The following RDH12 variants were observed in gnomAD, a reference collection of about 807,000 sequenced individuals.
RDH12 encodes the protein all-trans and 9-cis retinol dehydrogenase.
RDH12 carries 21 observed loss-of-function variants against 34.0 expected under a neutral mutation model. The observed-to-expected ratio is 0.62, with a 90% confidence interval of 0.44 to 0.89. The LOEUF is 0.89. RDH12 is among the 40% of genes least tolerant of loss of function. The pLI is 0.00. For missense variants in RDH12, 394 were observed against 398.6 expected (o/e 0.99, Z 0.10); for synonymous variants, 198 against 169.9 (o/e 1.17, Z -1.29).
intron 3 of RDH12, 29 bp from the exon 4 acceptor site, chr14:67,724,444 C>A: frequency 2.3e-6 from 3 of 1,322,652 alleles, no homozygotes; most frequent in African/African-American, 1.5e-5. Context: ...AAGGATGGTA[C>A]GTGATGCTCT....
chr14:67,715,038 A>C (rs181626329), intron 1 of RDH12: 131 of 152,450 alleles, frequency 8.6e-4, no homozygotes, highest in African/African-American at 3.0e-3. Context: ...CTAAGGGCCA[A>C]GATAACTTCC....
chr14:67,718,630 A>G (rs2038092004), intron 1 of RDH12, among the ~76,000 whole-genome samples: 1 of 152,202 alleles, frequency 6.6e-6, no homozygotes. Flanking sequence ...GTGCTCTGTC[A>G]TCACTGAACT....
chr14:67,724,067 T>C (rs1165955757), intron 3 of RDH12, among the ~76,000 whole-genome samples: 2 of 152,192 alleles, frequency 1.3e-5, no homozygotes, highest in Non-Finnish European at 2.9e-5. Flanking sequence ...CTCATGATGA[T>C]GGTTACTGAA....
intron 1 of RDH12, among the ~76,000 whole-genome samples, chr14:67,715,865 G>A (rs956790974): frequency 6.6e-6 from 1 of 152,188 alleles, no homozygotes; most frequent in African/African-American, 2.4e-5. Context: ...GAACACAAAT[G>A]TAGAGCTTAT....
At chr14:67,728,961 C>T (rs1201317074) in intron 7 of RDH12, among the ~76,000 whole-genome samples, 1 of 152,172 alleles carries the variant, frequency 6.6e-6, no homozygotes, top group Non-Finnish European at 1.5e-5. Context: ...AGAAGGACCT[C>T]GAACCAGGCA....
chr14:67,717,221 G>A (rs887599557), intron 1 of RDH12, among the ~76,000 whole-genome samples: 1 of 152,150 alleles, frequency 6.6e-6, no homozygotes, highest in African/African-American at 2.4e-5. Context: ...CAAAGGCATA[G>A]ACTCATGTAA....
At chr14:67,716,093 A>T (rs1316813963) in intron 1 of RDH12, among the ~76,000 whole-genome samples, 3 of 151,952 alleles carry the variant, frequency 2.0e-5, no homozygotes, top group African/African-American at 4.8e-5. Flanking sequence ...GCTACTCTGG[A>T]GACTGAGGCA....
chr14:67,702,877 G>A (rs1489566568), intron 1 of RDH12, among the ~76,000 whole-genome samples: 1 of 152,168 alleles, frequency 6.6e-6, no homozygotes, highest in Admixed American at 6.5e-5. Flanking sequence ...GCAGTGGTAT[G>A]ACCATGGCTC....
chr14:67,717,821 T>A (rs74061506), intron 1 of RDH12: 6,560 of 152,244 alleles, frequency 0.043, 207 homozygotes, highest in Non-Finnish European at 0.066. Context: ...CCCAGCACTT[T>A]GAGAGACCAA....
rs371169246 is a variant in RDH12, at chr14:67,725,088, C to T, written c.188-11C>T. 2.1e-5 allele frequency: 34 copies of T among 1,613,812 alleles called. No homozygotes were observed. Among genetic ancestry groups the T allele is most frequent in the Admixed American group, 5.0e-5 (3 of 59,982 alleles). The stretch of plus-strand genomic sequence containing the variant: ...TATGAACATACTGCTCTTTTTTTGT[C>T]TTGGACCCAGGAGCCCGAGTCTATA... On this transcript the variant is annotated splice_polypyrimidine_tract_variant and intron_variant, in intron 4 of 8. Coordinates refer to ENST00000551171, the MANE Select transcript of RDH12 (RefSeq NM_152443.3).
In RDH12 at chr14:67,722,595, G is replaced by A; in HGVS notation, c.-48G>A. 1 of 1,545,646 alleles carries A rather than the reference G, an allele frequency of 6.5e-7. No individual in the cohort carries two copies. The highest frequency in any genetic ancestry group is 8.9e-7 in the Non-Finnish European group (1 of 1,117,540). ...AGGAACCTGAGCCAGAGCTGGGGTTGAAGCTGGAGCAGCAGCAAAAGCAAC... is the reference window on the plus strand; with the variant it reads ...AGGAACCTGAGCCAGAGCTGGGGTTAAAGCTGGAGCAGCAGCAAAAGCAAC... On this transcript the variant is annotated 5_prime_UTR_variant, in exon 3 of 9. Transcript: ENST00000551171.
At chr14:67,704,220 A>T (rs2037929115) in intron 1 of RDH12, among the ~76,000 whole-genome samples, 1 of 152,230 alleles carries the variant, frequency 6.6e-6, no homozygotes, top group Non-Finnish European at 1.5e-5. Context: ...AACAAACAGG[A>T]AGAGCTGAGT....
At chr14:67,726,585 A>G (rs2320030) in intron 6 of RDH12, among the ~76,000 whole-genome samples, 148,457 of 152,214 alleles carry the variant, frequency 0.98, 72,487 homozygotes, top group East Asian at 1. Flanking sequence ...CGTTCAAGGC[A>G]AAGACTTTAG....
At chr14:67,704,861 A>T (rs1474617539) in intron 1 of RDH12, among the ~76,000 whole-genome samples, 7 of 152,154 alleles carry the variant, frequency 4.6e-5, no homozygotes, top group Non-Finnish European at 1.5e-5. Flanking sequence ...CAGAACATCA[A>T]CCAAGACAGG....
In RDH12 at chr14:67,727,175, GCCAAGAGGCT is replaced by G; in HGVS notation, c.649_658del (p.Arg217AlafsTer58). The G allele has an allele frequency of 6.2e-7, 1 of 1,613,028 alleles. No homozygotes were observed. Among genetic ancestry groups the G allele is most frequent in the Non-Finnish European group, 8.5e-7 (1 of 1,179,654 alleles). ...CAATGTGCTTTTTACTCGTGAGCTG[GCCAAGAGGCT>G]CCAAGGTAAGTCTGGAGAAAGAGGA... On this transcript the variant is annotated frameshift_variant, in exon 7 of 9. Coordinates refer to ENST00000551171, the MANE Select transcript of RDH12 (RefSeq NM_152443.3). LOFTEE classifies it high-confidence loss of function.
chr14:67,713,147 T>C (rs1490988164), intron 1 of RDH12, among the ~76,000 whole-genome samples: 1 of 152,096 alleles, frequency 6.6e-6, no homozygotes, highest in African/African-American at 2.4e-5. Flanking sequence ...ACCAGCTTTT[T>C]GTTAACTTTA....
chr14:67,725,527 T>C (rs2038175432), intron 5 of RDH12, among the ~76,000 whole-genome samples: 1 of 152,200 alleles, frequency 6.6e-6, no homozygotes, highest in Non-Finnish European at 1.5e-5. Flanking sequence ...GTGGCCACAA[T>C]GCCACTCTCT....
chr14:67,727,315 T>C (rs2038199609), intron 7 of RDH12, 125 bp downstream of exon 7: 1 of 776,462 alleles, frequency 1.3e-6, no homozygotes, highest in Non-Finnish European at 2.2e-6. Flanking sequence ...CTAAGGAGAA[T>C]GAAATTATGA....
chr14:67,724,428 C>T (rs1474913220), intron 3 of RDH12, 45 bp from the exon 4 acceptor site: 2 of 1,174,310 alleles, frequency 1.7e-6, no homozygotes, highest in Non-Finnish European at 2.5e-6. Flanking sequence ...TTAGTGTGAG[C>T]TCGTGAAGGA....
Sources: allele counts gnomAD v4.1 joint callset (sites outside exome capture counted in the v4.1 genomes callset), GRCh38; gene constraint gnomAD v4.1.1; transcripts MANE v1.5; gene names NCBI Gene and HGNC (gene_info 2026-07-23, HGNC 2026-07-21).